The following TAS1R2 variants were observed in gnomAD, a reference collection of about 807,000 sequenced individuals.
TAS1R2 encodes taste 1 receptor member 2, also known as taste receptor type 1 member 2.
Under a neutral mutation model 49.3 loss-of-function variants are expected in TAS1R2, and 47 were observed. The ratio of observed to expected loss-of-function variants is 0.95; its 90% CI spans 0.75 to 1.22. The LOEUF (loss-of-function observed/expected upper bound fraction) is 1.22, where lower values mean the gene tolerates loss of function less well. Ranked by LOEUF, TAS1R2 falls within the 50% of genes most tolerant of loss-of-function variation. TAS1R2 has a pLI of 0.00. For missense variants in TAS1R2, 1,155 were observed against 1,122.1 expected (o/e 1.03, Z -0.42); for synonymous variants, 479 against 467.9 (o/e 1.02, Z -0.31).
chr1:18,857,291 C>T (rs1934152195), intron 2 of TAS1R2, 40 bp downstream of exon 2: 1 of 1,590,844 alleles, frequency 6.3e-7, no homozygotes, highest in Non-Finnish European at 8.6e-7. Flanking sequence ...ATTCCTCTGC[C>T]CCCCTCCCCA....
At chr1:18,844,266 G>A (rs1439616521) in intron 4 of TAS1R2, among the ~76,000 whole-genome samples, 1 of 152,186 alleles carries the variant, frequency 6.6e-6, no homozygotes, top group Non-Finnish European at 1.5e-5. Flanking sequence ...TGAGATCCTG[G>A]ACATATGGAA....
chr1:18,841,618 C>A (rs769933485), intron 5 of TAS1R2, 111 bp downstream of exon 5: 1 of 1,452,708 alleles, frequency 6.9e-7, no homozygotes, highest in Non-Finnish European at 9.2e-7. Flanking sequence ...ACTCACACCC[C>A]CTGTGGGGTA....
At chr1:18,858,862 C>T (rs966104754) in intron 1 of TAS1R2, among the ~76,000 whole-genome samples, 1 of 152,178 alleles carries the variant, frequency 6.6e-6, no homozygotes, top group African/African-American at 2.4e-5. Flanking sequence ...ACTGTTCTTC[C>T]TTTCTCCTTG....
At chr1:18,844,349 G>C (rs762405198) in intron 4 of TAS1R2, among the ~76,000 whole-genome samples, 15 of 152,164 alleles carry the variant, frequency 9.9e-5, no homozygotes, top group South Asian at 2.1e-4. Context: ...CTTGGGGAAA[G>C]GTATATGTAT....
rs1934167592 is a variant in TAS1R2, at chr1:18,857,744, A to G, written c.183-113T>C. 4 of 1,230,456 alleles carry G rather than the reference A, an allele frequency of 3.3e-6. No individual in the cohort carries two copies. The Admixed American group carries it at 9.8e-5, about 30-fold the overall frequency. 76.2% of individuals were successfully genotyped at this position (1,230,456 alleles called of 1,614,324 possible). A position where few individuals can be genotyped will look rare whatever the true frequency, so the allele number is the denominator to read the frequency against. ...CACAGGAAAGCCAAGGCATTGACTG[A>G]GAAGAGCCACTCCAGAAGACTCGGG... On this transcript the variant is annotated intron_variant, in intron 1 of 5. Coordinates refer to ENST00000375371, the Ensembl canonical transcript of TAS1R2.
chr1:18,855,707 T>C (rs972343317), intron 2 of TAS1R2, among the ~76,000 whole-genome samples: 3 of 152,140 alleles, frequency 2.0e-5, no homozygotes, highest in Admixed American at 6.5e-5. Flanking sequence ...GCCTGACATC[T>C]CAAACTTCAC....
intron 1 of TAS1R2, 37 bp downstream of exon 1, chr1:18,859,442 C>A: frequency 6.2e-7 from 1 of 1,611,486 alleles, no homozygotes; most frequent in Non-Finnish European, 8.5e-7. Context: ...CCCACCCCAT[C>A]CCCACTGCCA....
At chr1:18,839,905 GAGC>G in exon 6 of TAS1R2, 1 of 1,614,252 alleles carries the variant, frequency 6.2e-7, no homozygotes, top group Non-Finnish European at 8.5e-7. Context: ...CCACCACTGA[GAGC>G]AGCAGGTCCA....
At chr1:18,857,333 G>C (rs752188345) in exon 2 of TAS1R2, 1 of 1,613,152 alleles carries the variant, frequency 6.2e-7, no homozygotes. Flanking sequence ...GGCCTCACCT[G>C]TGGAAGGAGA....
Position 18,854,483 on chromosome 1 carries a change from G to C in TAS1R2, c.987C>G (p.Ser329Arg). Residue 329 changes from serine (S) to arginine (R), a missense_variant, in exon 3 of 6, where the codon AGC becomes AGG. Ser to Arg is a moderately radical substitution (Grantham distance 110, BLOSUM62 -1). Coordinates refer to ENST00000375371, the Ensembl canonical transcript of TAS1R2. This position sits in a 1 kb window ranked among gnomAD's most constrained non-coding sequence, Gnocchi z 4.9. ...ACTCACTGAAGCCCGGGATGGGCAC[G>C]CTCTGGATGGTGATGCCCAGGAAGG... The C allele has an allele frequency of 6.2e-7, 1 of 1,614,104 alleles. No individual in the cohort carries two copies. The highest frequency in any genetic ancestry group is 8.5e-7 in the Non-Finnish European group (1 of 1,180,022).
Position 18,854,239 on chromosome 1 carries a change from T to C in TAS1R2, c.1231A>G (p.Thr411Ala), listed in dbSNP as rs751534078. The C allele has an allele frequency of 3.7e-6, 6 of 1,613,958 alleles. No individual in the cohort carries two copies. The highest frequency in any genetic ancestry group is 5.1e-6 in the Non-Finnish European group (6 of 1,179,898). Residue 411 changes from threonine (T) to alanine (A), a missense_variant, in exon 3 of 6, where the codon ACC (threonine) becomes GCC (alanine). Thr to Ala is a moderately conservative substitution (Grantham distance 58). Coordinates refer to ENST00000375371, the Ensembl canonical transcript of TAS1R2. This position sits in a 1 kb window ranked among gnomAD's most constrained non-coding sequence, Gnocchi z 4.9. ...TGCCAGGGGTAGACCACCCTCTTGG[T>C]GCAGGTGCTTTTGTCACAGCCGAGG...
At chr1:18,851,006 T>C (rs1934011179) in intron 3 of TAS1R2, among the ~76,000 whole-genome samples, 2 of 152,220 alleles carry the variant, frequency 1.3e-5, no homozygotes, top group East Asian at 3.8e-4. Flanking sequence ...GCACATATGA[T>C]TCCTTCCATT....
chr1:18,856,381 C>T (rs1404312897), intron 2 of TAS1R2, among the ~76,000 whole-genome samples: 1 of 152,182 alleles, frequency 6.6e-6, no homozygotes, highest in Non-Finnish European at 1.5e-5. Flanking sequence ...AAATTGCAAT[C>T]TCCTTCTACC....
Position 18,849,575 on chromosome 1 carries a change from G to A in TAS1R2, c.1258-25C>T, listed in dbSNP as rs745795162. On this transcript the variant is annotated intron_variant, in intron 3 of 5. Transcript: ENST00000375371. Reference sequence around the variant, plus strand: ...GCTGGCGGGGTCAGAGGGAAGGGAAGTGGAGCTAGCATCAGAATCTGAGCC... The same window carrying A: ...GCTGGCGGGGTCAGAGGGAAGGGAAATGGAGCTAGCATCAGAATCTGAGCC... 4 of 1,612,054 alleles carry A rather than the reference G, an allele frequency of 2.5e-6. No homozygotes were observed. The South Asian group carries it at 3.3e-5, about 13-fold the overall frequency.
At chr1:18,844,733 G>A (rs112803652) in intron 4 of TAS1R2, among the ~76,000 whole-genome samples, 6 of 149,822 alleles carry the variant, frequency 4.0e-5, no homozygotes, top group South Asian at 4.3e-4. Context: ...CAGCCTGGGC[G>A]ACAGAGCGAG....
At chr1:18,840,009 G>C (rs1933787564) in exon 6 of TAS1R2, 1 of 1,613,284 alleles carries the variant, frequency 6.2e-7, no homozygotes, top group Non-Finnish European at 8.5e-7. Flanking sequence ...CGGGTGGTGG[G>C]ACTGAGGCCC....
At chr1:18,840,134 G>A (rs1933791642) in exon 6 of TAS1R2, 1 of 1,614,254 alleles carries the variant, frequency 6.2e-7, no homozygotes, top group Non-Finnish European at 8.5e-7. Context: ...GAAGCGGCTG[G>A]CCATCTTGAA....
At chr1:18,853,419 A>G (rs1379452209) in intron 3 of TAS1R2, among the ~76,000 whole-genome samples, 1 of 152,182 alleles carries the variant, frequency 6.6e-6, no homozygotes, top group Non-Finnish European at 1.5e-5. Context: ...CAAGGTTAGG[A>G]TCTGAGATTA....
exon 6 of TAS1R2, chr1:18,840,226 G>C (rs763549555): frequency 6.2e-7 from 1 of 1,614,146 alleles, no homozygotes; most frequent in Non-Finnish European, 8.5e-7. Flanking sequence ...CCTGGCGGCA[G>C]AGGCAGGTGG....
Sources: gnomAD v4.1 joint callset for allele counts (sites outside exome capture counted in the v4.1 genomes callset) on GRCh38, gnomAD v4.1.1 for gene constraint, Gnocchi (gnomAD v3.1) non-coding constraint, MANE v1.5 for transcripts, NCBI Gene and HGNC (gene_info 2026-07-23, HGNC 2026-07-21) for gene names.